CASTOR2: variants seen among roughly 807,000 people sequenced by gnomAD.
The protein encoded by CASTOR2 is GATS protein like 2.
A neutral mutation model predicts 31.2 loss-of-function variants in CASTOR2; 8 were observed. The ratio of observed to expected loss-of-function variants is 0.26; its 90% CI spans 0.15 to 0.46. The LOEUF is 0.46. CASTOR2 is among the 20% of genes least tolerant of loss of function. The pLI is 0.99. For missense variants in CASTOR2, 216 were observed against 382.1 expected, an observed-to-expected ratio of 0.57 and a Z score of 3.62; for synonymous variants, 162 against 158.7, an observed-to-expected ratio of 1.02 and a Z score of -0.16.
At chr7:74,971,894 C>T (rs1265040979) in intron 1 of CASTOR2, among the ~76,000 whole-genome samples, 1 of 144,070 alleles carries the variant, frequency 6.9e-6, no homozygotes, top group African/African-American at 2.6e-5. Context: ...CGGTGTGCCC[C>T]ATCTGCCTGG....
At chr7:75,007,678 C>G (rs1486989708) in intron 1 of CASTOR2, among the ~76,000 whole-genome samples, 231 of 152,280 alleles carry the variant, frequency 1.5e-3, no homozygotes, top group Admixed American at 2.4e-3. Context: ...CACCCTTCGG[C>G]CACTTCTTCC....
At chr7:75,017,912 C>T (rs1196042841) in intron 3 of CASTOR2, 78 bp from the exon 4 acceptor site, 2 of 1,613,778 alleles carry the variant, frequency 1.2e-6, no homozygotes, top group Non-Finnish European at 1.7e-6. Context: ...GGCAGAGTCT[C>T]AGGGTGAGAG....
chr7:75,003,321 C>T (rs1366712127), intron 1 of CASTOR2, among the ~76,000 whole-genome samples: 1 of 152,076 alleles, frequency 6.6e-6, no homozygotes, highest in Non-Finnish European at 1.5e-5. Flanking sequence ...TTGGGTAATG[C>T]ACGCCTGTAG....
chr7:74,969,344 G>A (rs587611911), intron 1 of CASTOR2, among the ~76,000 whole-genome samples: 4,088 of 77,646 alleles, frequency 0.053, 600 homozygotes, highest in African/African-American at 0.27. Context: ...GTGCAGTGGC[G>A]TGATCACGGC....
chr7:74,983,734 G>A (rs1369476541), intron 1 of CASTOR2, among the ~76,000 whole-genome samples: 4 of 150,162 alleles, frequency 2.7e-5, no homozygotes, highest in South Asian at 2.1e-4. Flanking sequence ...CTTATCAAGC[G>A]CTCTCTCTCC....
intron 1 of CASTOR2, among the ~76,000 whole-genome samples, chr7:74,988,696 T>G (rs1804132043): frequency 6.6e-6 from 1 of 152,174 alleles, no homozygotes; most frequent in Non-Finnish European, 1.5e-5. Context: ...ACTTTATGTT[T>G]GTTTATCATT....
chr7:74,990,420 CAA>C (rs1229581096), intron 1 of CASTOR2, among the ~76,000 whole-genome samples: 82 of 151,074 alleles, frequency 5.4e-4, no homozygotes, highest in African/African-American at 1.9e-3. Context: ...ACAACAACAA[CAA>C]AAAAACATGT....
At chr7:75,014,814 G>C (rs1203433092) in intron 2 of CASTOR2, among the ~76,000 whole-genome samples, 5 of 152,262 alleles carry the variant, frequency 3.3e-5, no homozygotes, top group East Asian at 3.9e-4. Context: ...ATCCAAACCT[G>C]CCAAGAGACT....
intron 1 of CASTOR2, among the ~76,000 whole-genome samples, chr7:75,004,031 C>T (rs1804555511): frequency 6.6e-6 from 1 of 152,176 alleles, no homozygotes; most frequent in Non-Finnish European, 1.5e-5. Flanking sequence ...CGGTCTATTT[C>T]TGGAGTGTCC....
At chr7:74,986,030 C>T (rs1243794052) in intron 1 of CASTOR2, among the ~76,000 whole-genome samples, 2 of 151,996 alleles carry the variant, frequency 1.3e-5, no homozygotes, top group African/African-American at 2.4e-5. Context: ...CCGGTTCAAG[C>T]GATTCTCCTG....
At chr7:74,975,949 C>G (rs1343591583) in intron 1 of CASTOR2, among the ~76,000 whole-genome samples, 3 of 149,882 alleles carry the variant, frequency 2.0e-5, no homozygotes, top group African/African-American at 7.3e-5. Context: ...CTGAGGCATC[C>G]CACCCCCAAC....
chr7:75,016,371 G>A (rs1804863498), intron 2 of CASTOR2, among the ~76,000 whole-genome samples: 1 of 152,202 alleles, frequency 6.6e-6, no homozygotes, highest in Non-Finnish European at 1.5e-5. Flanking sequence ...AGTTGCTGCT[G>A]CTGTGGACTC....
intron 2 of CASTOR2, among the ~76,000 whole-genome samples, chr7:75,010,613 C>T (rs1362859544): frequency 1.3e-5 from 2 of 152,066 alleles, no homozygotes; most frequent in East Asian, 3.9e-4. Flanking sequence ...ACTGTCTTGC[C>T]CTGCCCCTCC....
At chr7:74,998,031 A>C (rs1403691895) in intron 1 of CASTOR2, among the ~76,000 whole-genome samples, 2 of 151,990 alleles carry the variant, frequency 1.3e-5, no homozygotes, top group African/African-American at 4.8e-5. Flanking sequence ...TAAAGGGTGG[A>C]TGTCTCAGAA....
intron 2 of CASTOR2, among the ~76,000 whole-genome samples, chr7:75,009,300 C>T (rs1427151004): frequency 9.9e-5 from 11 of 110,876 alleles, no homozygotes; most frequent in East Asian, 2.8e-4. Context: ...GACGGAGTCT[C>T]GCTCTATGGC....
intron 1 of CASTOR2, among the ~76,000 whole-genome samples, chr7:74,988,224 G>A (rs1379882469): frequency 1.3e-5 from 1 of 76,808 alleles, no homozygotes; most frequent in African/African-American, 2.9e-5. Context: ...CTGCCTCCCG[G>A]GTCAAGCAAT....
chr7:75,007,546 G>A (rs1433483320), intron 1 of CASTOR2, among the ~76,000 whole-genome samples: 1 of 152,086 alleles, frequency 6.6e-6, no homozygotes, highest in Non-Finnish European at 1.5e-5. Context: ...TTATGACTTG[G>A]AGCTCCAGAG....
intron 2 of CASTOR2, among the ~76,000 whole-genome samples, chr7:75,013,272 G>A (rs1804794187): frequency 6.6e-6 from 1 of 152,228 alleles, no homozygotes; most frequent in Admixed American, 6.5e-5. Context: ...AGTGGATGCT[G>A]GGTCTTTCCT....
chr7:74,975,311 C>G (rs3864386), intron 1 of CASTOR2, among the ~76,000 whole-genome samples: 34 of 150,764 alleles, frequency 2.3e-4, no homozygotes, highest in South Asian at 1.5e-3. Context: ...GGGTCTCACT[C>G]TGTTGTCCAC....
Sources: gnomAD v4.1 joint callset for allele counts (sites outside exome capture counted in the v4.1 genomes callset) on GRCh38, gnomAD v4.1.1 for gene constraint, MANE v1.5 for transcripts, NCBI Gene and HGNC (gene_info 2026-07-23, HGNC 2026-07-21) for gene names.